Variants in BCAS4 observed in about 807,000 individuals in gnomAD.
BCAS4 encodes breast carcinoma amplified sequence 4.
Under a neutral mutation model 15.7 loss-of-function variants are expected in BCAS4, and 9 were observed. That is an observed-to-expected ratio of 0.57 (90% CI 0.34 to 1.00). The LOEUF (loss-of-function observed/expected upper bound fraction) is 1.00, where lower values mean the gene tolerates loss of function less well. Among genes scored for constraint, BCAS4 ranks in the 50% least tolerant of loss-of-function variants. The pLI is 0.02. For synonymous variants in BCAS4, 101 were observed against 99.5 expected, an observed-to-expected ratio of 1.02 and a Z score of -0.09; for missense variants, 225 against 239.1, an observed-to-expected ratio of 0.94 and a Z score of 0.39.
intron 4 of BCAS4, among the ~76,000 whole-genome samples, chr20:50,870,329 C>G (rs1185070798): frequency 1.3e-5 from 2 of 152,102 alleles, no homozygotes; most frequent in Non-Finnish European, 2.9e-5. Context: ...TTTGTAGAAA[C>G]AGGGCAGCAC....
At chr20:50,805,136 T>C (rs1315103098) in intron 1 of BCAS4, among the ~76,000 whole-genome samples, 13 of 152,208 alleles carry the variant, frequency 8.5e-5, no homozygotes, top group Non-Finnish European at 1.9e-4. Context: ...GTTTAAAGTG[T>C]ATAATTTAAT....
intron 2 of BCAS4, among the ~76,000 whole-genome samples, chr20:50,822,154 G>A (rs1252622160): frequency 3.3e-5 from 5 of 152,130 alleles, no homozygotes; most frequent in Non-Finnish European, 7.3e-5. Flanking sequence ...GGGGCTGGTT[G>A]GTGTAACTTG....
chr20:50,799,953 G>T (rs999227106), intron 1 of BCAS4, among the ~76,000 whole-genome samples: 1 of 152,190 alleles, frequency 6.6e-6, no homozygotes, highest in African/African-American at 2.4e-5. Context: ...AGGCCGAGAT[G>T]GGAAGATCAC....
At chr20:50,805,295 T>C (rs2087976587) in intron 1 of BCAS4, among the ~76,000 whole-genome samples, 1 of 152,212 alleles carries the variant, frequency 6.6e-6, no homozygotes, top group Non-Finnish European at 1.5e-5. Flanking sequence ...TAGATTTGCC[T>C]GTTCTGGTAT....
chr20:50,859,078 C>T (rs1485993293), intron 4 of BCAS4, among the ~76,000 whole-genome samples: 3 of 151,980 alleles, frequency 2.0e-5, no homozygotes, highest in South Asian at 2.1e-4. Context: ...TGAGAGACTA[C>T]AGGTGTGCCA....
intron 4 of BCAS4, among the ~76,000 whole-genome samples, chr20:50,870,570 G>C (rs549006417): frequency 6.6e-6 from 1 of 152,282 alleles, no homozygotes; most frequent in African/African-American, 2.4e-5. Flanking sequence ...AGGAACCGTG[G>C]GGATCTCAGG....
chr20:50,829,963 A>G (rs2088323545), intron 2 of BCAS4, among the ~76,000 whole-genome samples: 1 of 152,238 alleles, frequency 6.6e-6, no homozygotes, highest in African/African-American at 2.4e-5. Flanking sequence ...AGAGATTCTG[A>G]TTCTTTCCAT....
intron 4 of BCAS4, among the ~76,000 whole-genome samples, chr20:50,853,738 G>T (rs1978590727): frequency 5.0e-5 from 1 of 19,848 alleles, no homozygotes; most frequent in East Asian, 1.8e-3. Flanking sequence ...TTGTGTACTG[G>T]GGGGTGTTTT....
intron 1 of BCAS4, among the ~76,000 whole-genome samples, chr20:50,815,451 C>T (rs1466009363): frequency 2.0e-5 from 3 of 152,196 alleles, no homozygotes; most frequent in Non-Finnish European, 2.9e-5. Context: ...TTTCTTTCCC[C>T]TGGACCAGAA....
intron 3 of BCAS4, among the ~76,000 whole-genome samples, chr20:50,837,279 G>A (rs914688713): frequency 1.3e-5 from 2 of 152,116 alleles, no homozygotes; most frequent in African/African-American, 4.8e-5. Context: ...TCTGAAGCTG[G>A]GAATTATTTG....
chr20:50,841,279 A>G (rs1292156203), intron 3 of BCAS4, among the ~76,000 whole-genome samples: 1 of 152,166 alleles, frequency 6.6e-6, no homozygotes, highest in East Asian at 1.9e-4. Flanking sequence ...TCTGAGTTCG[A>G]ATATACAGCA....
intron 4 of BCAS4, among the ~76,000 whole-genome samples, chr20:50,862,594 G>A (rs1042154760): frequency 6.6e-6 from 1 of 152,200 alleles, no homozygotes; most frequent in African/African-American, 2.4e-5. Context: ...CTGAGGAAAG[G>A]GGGAGTTTGA....
chr20:50,820,649 G>GACCC (rs2088202688), intron 2 of BCAS4, among the ~76,000 whole-genome samples: 1 of 152,190 alleles, frequency 6.6e-6, no homozygotes, highest in African/African-American at 2.4e-5. Context: ...TCAGCCTGAA[G>GACCC]AGGGCTGGGG....
At chr20:50,876,159 C>G in intron 4 of BCAS4, 1 of 390,328 alleles carries the variant, frequency 2.6e-6, no homozygotes, top group Non-Finnish European at 5.0e-6. Flanking sequence ...CTGTGTTGGC[C>G]AGGCTGGCCT....
intron 1 of BCAS4, among the ~76,000 whole-genome samples, chr20:50,811,438 T>C (rs1244261150): frequency 6.6e-6 from 1 of 152,174 alleles, no homozygotes; most frequent in Non-Finnish European, 1.5e-5. Context: ...TGGCTTTTAG[T>C]ATATTTACTG....
At chr20:50,874,277 C>T (rs1174379378) in intron 4 of BCAS4, among the ~76,000 whole-genome samples, 9 of 152,196 alleles carry the variant, frequency 5.9e-5, no homozygotes, top group Admixed American at 5.9e-4. Context: ...ATCCCCGCAG[C>T]CCCCACACTC....
intron 1 of BCAS4, among the ~76,000 whole-genome samples, chr20:50,801,313 G>A (rs1329992527): frequency 6.6e-6 from 1 of 152,092 alleles, no homozygotes; most frequent in East Asian, 1.9e-4. Context: ...GTAATCCCAG[G>A]TAGTTGTGTG....
At chr20:50,821,057 G>A (rs550101224) in intron 2 of BCAS4, among the ~76,000 whole-genome samples, 30 of 152,284 alleles carry the variant, frequency 2.0e-4, no homozygotes, top group South Asian at 8.3e-4. Flanking sequence ...GCAAGCAAGC[G>A]ACCACCTGCT....
chr20:50,844,968 G>A (rs968194758), intron 4 of BCAS4, among the ~76,000 whole-genome samples: 3 of 152,148 alleles, frequency 2.0e-5, no homozygotes, highest in African/African-American at 7.2e-5. Context: ...AGCCTAGTGT[G>A]TGCGTATGTG....
Sources: gnomAD v4.1 joint callset for allele counts (sites outside exome capture counted in the v4.1 genomes callset) on GRCh38, gnomAD v4.1.1 for gene constraint, MANE v1.5 for transcripts, NCBI Gene and HGNC (gene_info 2026-07-23, HGNC 2026-07-21) for gene names.